The following TSPAN13 variants were observed in gnomAD, a reference collection of about 807,000 sequenced individuals.
TSPAN13 encodes tetraspanin-13.
Under a neutral mutation model 26.9 loss-of-function variants are expected in TSPAN13, and 18 were observed. That is an observed-to-expected ratio of 0.67 (90% CI 0.46 to 0.99). TSPAN13 has a LOEUF of 0.99. Ranked by LOEUF, TSPAN13 falls within the 50% of genes least tolerant of loss-of-function variation. The probability of loss-of-function intolerance (pLI) is 0.00; values close to 1 mark genes in which losing one functional copy is unlikely to be tolerated. For synonymous variants in TSPAN13, 116 were observed against 98.4 expected (o/e 1.18, Z -1.06); for missense variants, 201 against 249.6 (o/e 0.81, Z 1.31).
intron 1 of TSPAN13, among the ~76,000 whole-genome samples, chr7:16,759,946 C>T (rs534547260): frequency 1.3e-4 from 20 of 152,288 alleles, no homozygotes; most frequent in African/African-American, 4.8e-4. Context: ...CTTGGCCTCC[C>T]AAATTGCTTG....
Position 16,760,925 on chromosome 7 carries a change from C to T in TSPAN13, c.63+6895C>T, listed in dbSNP as rs10269296. ...AGTCATTCTGGCTTTCCTGTGTGCC[C>T]GGCACAGCCCTGGCATGTGGTTGGC... On this transcript the variant is annotated intron_variant, in intron 1 of 5. Coordinates refer to ENST00000262067, the MANE Select transcript of TSPAN13 (RefSeq NM_014399.4). 1.5e-3 allele frequency among the ~76,000 whole-genome samples: 224 copies of T among 152,268 alleles called. 1 individual carries two copies. Among genetic ancestry groups the T allele is most frequent in the African/African-American group, 4.8e-3 (201 of 41,548 alleles).
chr7:16,776,024 T>C (rs1409977627), intron 1 of TSPAN13, 187 bp from the exon 2 acceptor site: 8 of 482,214 alleles, frequency 1.7e-5, no homozygotes, highest in Admixed American at 3.9e-5. Context: ...TGGGGATTAA[T>C]GTAATTTGTT....
chr7:16,759,021 T>C (rs1180220532), intron 1 of TSPAN13, among the ~76,000 whole-genome samples: 1 of 152,188 alleles, frequency 6.6e-6, no homozygotes, highest in Non-Finnish European at 1.5e-5. Context: ...GGACAGATGA[T>C]AAATAAGTAA....
chr7:16,755,480 A>G lies in TSPAN13; in HGVS notation c.63+1450A>G, dbSNP rs992584592. Among the ~76,000 whole-genome samples, 6 of 146,602 alleles carry G rather than the reference A, an allele frequency of 4.1e-5. 1 individual carries two copies. Among genetic ancestry groups the G allele is most frequent in the African/African-American group, 1.5e-4 (6 of 39,174 alleles). Reference sequence around the variant, plus strand: ...TTTCAGATCAAAATTCATCTGTATCACCCTGAGGTATGCTTATCACCCTGG... The same window carrying G: ...TTTCAGATCAAAATTCATCTGTATCGCCCTGAGGTATGCTTATCACCCTGG... On this transcript the variant is annotated intron_variant, in intron 1 of 5. Coordinates refer to ENST00000262067, the MANE Select transcript of TSPAN13 (RefSeq NM_014399.4).
intron 1 of TSPAN13, among the ~76,000 whole-genome samples, chr7:16,771,752 C>G (rs991951614): frequency 6.6e-6 from 1 of 152,192 alleles, no homozygotes; most frequent in Non-Finnish European, 1.5e-5. Flanking sequence ...AGCCACTACA[C>G]TTGTGTTAAT....
Position 16,754,000 on chromosome 7 carries a change from C to A in TSPAN13, c.33C>A (p.Asn11Lys). 1 of 1,613,790 alleles carries A rather than the reference C, an allele frequency of 6.2e-7. No homozygotes were observed. The highest frequency in any genetic ancestry group is 8.5e-7 in the Non-Finnish European group (1 of 1,179,826). The change falls in exon 1 of 6, where the codon AAC becomes AAA. Residue 11 changes from asparagine to lysine, a missense_variant. Physicochemically the swap from Asn to Lys is moderately conservative, Grantham distance 94. Transcript: ENST00000262067. MVCGGFACSK[N>K]CLCALNLLYT... ...GCGGGGGCTTCGCGTGTTCCAAGAA[C>A]TGCCTGTGCGCCCTCAACCTGCTTT...
chr7:16,770,175 T>C (rs989543052), intron 1 of TSPAN13, among the ~76,000 whole-genome samples: 3 of 151,126 alleles, frequency 2.0e-5, no homozygotes, highest in African/African-American at 7.3e-5. Flanking sequence ...CTTTTTATTT[T>C]TCTGTTTAAT....
chr7:16,755,436 C>T (rs903986277), intron 1 of TSPAN13, among the ~76,000 whole-genome samples: 9 of 151,924 alleles, frequency 5.9e-5, no homozygotes, highest in African/African-American at 1.9e-4. Context: ...GATACAGTTC[C>T]TTGGAGATAC....
intron 1 of TSPAN13, among the ~76,000 whole-genome samples, chr7:16,760,400 A>C (rs2115322390): frequency 6.6e-6 from 1 of 152,334 alleles, no homozygotes; most frequent in African/African-American, 2.4e-5. Context: ...GACAAGTCAC[A>C]GATTACTATG....
In TSPAN13 at chr7:16,753,868, C is replaced by T; in HGVS notation, c.-100C>T. The stretch of plus-strand genomic sequence containing the variant: ...CCCCACCCACGTCTGCGTTGCTGCC[C>T]CGCCTGGGCCAGGCCCCAAAGGCAA... On this transcript the variant is annotated 5_prime_UTR_variant, in exon 1 of 6. Coordinates refer to ENST00000262067, the MANE Select transcript of TSPAN13 (RefSeq NM_014399.4). The T allele has an allele frequency of 7.6e-7, 1 of 1,316,584 alleles. No homozygotes were observed. The highest frequency in any genetic ancestry group is 1.1e-6 in the Non-Finnish European group (1 of 934,154). 81.6% of individuals were successfully genotyped at this position (1,316,584 alleles called of 1,614,324 possible).
chr7:16,779,334 T>A (rs181660803), intron 5 of TSPAN13, among the ~76,000 whole-genome samples: 94 of 152,310 alleles, frequency 6.2e-4, no homozygotes, highest in Admixed American at 4.9e-3. Flanking sequence ...TTATGTAAAA[T>A]TTAATGAACT....
rs192902761 is a variant in TSPAN13 at position 16,773,168 on chromosome 7, G to C, written c.64-3043G>C. Among the ~76,000 whole-genome samples the C allele has an allele frequency of 9.0e-3, 1,355 of 151,090 alleles. 26 individuals carry two copies. Among genetic ancestry groups the C allele is most frequent in the Non-Finnish European group, 0.01 (696 of 67,880 alleles). The stretch of plus-strand genomic sequence containing the variant: ...TACTCGCCTTATAAAAAATCTTGGG[G>C]GGGGGCGGTTAGCAATTATTTGATT... On this transcript the variant is annotated intron_variant, in intron 1 of 5. Transcript: ENST00000262067.
At chr7:16,781,518 T>G (rs1320424618) in intron 5 of TSPAN13, among the ~76,000 whole-genome samples, 1 of 152,192 alleles carries the variant, frequency 6.6e-6, no homozygotes, top group Non-Finnish European at 1.5e-5. Flanking sequence ...TTTTTGCATT[T>G]TGGATGTAGC....
intron 1 of TSPAN13, among the ~76,000 whole-genome samples, chr7:16,774,655 A>T (rs1784719945): frequency 6.6e-6 from 1 of 152,206 alleles, no homozygotes; most frequent in African/African-American, 2.4e-5. Flanking sequence ...GCAGTTGGGA[A>T]AATGAGAAGG....
At chr7:16,764,459 T>G (rs1784584503) in intron 1 of TSPAN13, among the ~76,000 whole-genome samples, 1 of 152,168 alleles carries the variant, frequency 6.6e-6, no homozygotes, top group Admixed American at 6.5e-5. Context: ...CAAGTAGAAT[T>G]TCTTGTTCCC....
intron 1 of TSPAN13, among the ~76,000 whole-genome samples, chr7:16,762,879 T>G (rs1784560548): frequency 6.6e-6 from 1 of 152,154 alleles, no homozygotes; most frequent in South Asian, 2.1e-4. Context: ...GGGAAACAGA[T>G]CTATTGAAAT....
At chr7:16,763,816 T>C (rs1334287098) in intron 1 of TSPAN13, among the ~76,000 whole-genome samples, 1 of 152,150 alleles carries the variant, frequency 6.6e-6, no homozygotes, top group Non-Finnish European at 1.5e-5. Context: ...GAAGTATATG[T>C]GTTAGGTTGC....
At chr7:16,778,921 C>A in intron 4 of TSPAN13, 82 bp from the exon 5 acceptor site, 2 of 1,003,380 alleles carry the variant, frequency 2.0e-6, no homozygotes, top group Non-Finnish European at 1.5e-6. Context: ...CTCTTAGACA[C>A]TAATTTTGTG....
intron 1 of TSPAN13, among the ~76,000 whole-genome samples, chr7:16,759,699 C>CTTTTTT (rs59571826): frequency 7.5e-6 from 1 of 132,456 alleles, no homozygotes; most frequent in Non-Finnish European, 1.6e-5. Context: ...TTCTTTCTTT[C>CTTTTTT]TTTTTTTTTT....
Sources: allele counts gnomAD v4.1 joint callset (sites outside exome capture counted in the v4.1 genomes callset), GRCh38; gene constraint gnomAD v4.1.1; transcripts MANE v1.5; gene names NCBI Gene and HGNC (gene_info 2026-07-23, HGNC 2026-07-21).